MEIS1: variants seen among roughly 807,000 people sequenced by gnomAD.
MEIS1 encodes Meis homeobox 1, also known as homeobox protein Meis1.
MEIS1 carries 5 observed loss-of-function variants against 50.8 expected under a neutral mutation model. The ratio of observed to expected loss-of-function variants is 0.10; its 90% CI spans 0.05 to 0.21. The LOEUF (loss-of-function observed/expected upper bound fraction) is 0.21, where lower values mean the gene tolerates loss of function less well. MEIS1 is among the 10% of genes least tolerant of loss of function. The pLI is 1.00. For synonymous variants in MEIS1, 176 were observed against 179.3 expected, an observed-to-expected ratio of 0.98 and a Z score of 0.15; for missense variants, 318 against 517.3, an observed-to-expected ratio of 0.61 and a Z score of 3.74.
At chr2:66,442,843 C>G (rs909421937) in intron 5 of MEIS1, 59 bp from the exon 6 acceptor site, 4 of 1,474,988 alleles carry the variant, frequency 2.7e-6, no homozygotes, top group Non-Finnish European at 2.7e-6. Context: ...TTGCACTTGT[C>G]AATGTCATTT....
intron 6 of MEIS1, among the ~76,000 whole-genome samples, chr2:66,446,532 G>A (rs1672151792): frequency 6.6e-6 from 1 of 152,178 alleles, no homozygotes; most frequent in African/African-American, 2.4e-5. Flanking sequence ...CATAAGCAGC[G>A]GGAGGCAGAG....
intron 8 of MEIS1, among the ~76,000 whole-genome samples, chr2:66,543,911 T>G (rs1052560712): frequency 2.5e-4 from 38 of 152,350 alleles, no homozygotes; most frequent in African/African-American, 8.7e-4. Flanking sequence ...TGCTTTGATA[T>G]CCCGAAGTGA....
chr2:66,440,812 G>A (rs1469474387), intron 4 of MEIS1, 200 bp downstream of exon 4: 1 of 576,180 alleles, frequency 1.7e-6, no homozygotes. Context: ...AGAGGGGCCG[G>A]GCGAGCCAGC....
At chr2:66,553,044 A>G (rs1470569638) in intron 9 of MEIS1, among the ~76,000 whole-genome samples, 1 of 152,210 alleles carries the variant, frequency 6.6e-6, no homozygotes, top group African/African-American at 2.4e-5. Flanking sequence ...CAGATGTAAA[A>G]AAAAGAAAAA....
chr2:66,541,663 T>C (rs1023180625), intron 8 of MEIS1, among the ~76,000 whole-genome samples: 4 of 152,190 alleles, frequency 2.6e-5, no homozygotes, highest in Non-Finnish European at 5.9e-5. Flanking sequence ...CTAGGCAATA[T>C]AGGAGTGTTG....
chr2:66,515,588 T>C (rs1017285245), intron 8 of MEIS1, among the ~76,000 whole-genome samples: 1 of 152,144 alleles, frequency 6.6e-6, no homozygotes, highest in African/African-American at 2.4e-5. Context: ...CATACTTGTA[T>C]ATAATGAAAA....
chr2:66,438,798 T>TA (rs1671867369), intron 2 of MEIS1, among the ~76,000 whole-genome samples: 1 of 152,052 alleles, frequency 6.6e-6, no homozygotes, highest in Non-Finnish European at 1.5e-5. Flanking sequence ...TATTTATTTT[T>TA]AAAAAATCAG....
chr2:66,567,257 C>G (rs1041839585), intron 9 of MEIS1, among the ~76,000 whole-genome samples, 196 bp from the exon 10 acceptor site: 3 of 152,148 alleles, frequency 2.0e-5, no homozygotes, highest in African/African-American at 7.2e-5. Context: ...AAACCCCAAG[C>G]CTGTGTACTC....
intron 9 of MEIS1, among the ~76,000 whole-genome samples, chr2:66,561,840 G>A (rs1027053972): frequency 1.3e-5 from 2 of 152,058 alleles, no homozygotes; most frequent in Admixed American, 6.6e-5. Flanking sequence ...AACACGACGG[G>A]GGGTGAAGCA....
At chr2:66,482,268 T>C (rs533768839) in intron 7 of MEIS1, among the ~76,000 whole-genome samples, 3 of 152,294 alleles carry the variant, frequency 2.0e-5, no homozygotes, top group African/African-American at 7.2e-5. Context: ...GCATTCAGAT[T>C]CTGAAATGTG....
intron 6 of MEIS1, among the ~76,000 whole-genome samples, chr2:66,452,128 T>C (rs1437918748): frequency 6.6e-6 from 1 of 151,938 alleles, no homozygotes; most frequent in African/African-American, 2.4e-5. Flanking sequence ...TGGGTTTAGT[T>C]GCAACATTTA....
At chr2:66,440,447 C>T in intron 3 of MEIS1, 115 bp from the exon 4 acceptor site, 1 of 895,398 alleles carries the variant, frequency 1.1e-6, no homozygotes, top group East Asian at 2.6e-5. Context: ...CGGAGGGTTA[C>T]TTCCTGCCCC....
chr2:66,437,187 G>A (rs1671816462), intron 1 of MEIS1, among the ~76,000 whole-genome samples: 1 of 152,100 alleles, frequency 6.6e-6, no homozygotes, highest in African/African-American at 2.4e-5. Flanking sequence ...AAGAAATGCA[G>A]TGTCTTGTAG....
chr2:66,471,260 T>C (rs1174458172), intron 7 of MEIS1, among the ~76,000 whole-genome samples: 1 of 152,222 alleles, frequency 6.6e-6, no homozygotes, highest in Admixed American at 6.5e-5. Flanking sequence ...TGTTGATTGC[T>C]CATTTTTATT....
chr2:66,568,523 A>T, intron 10 of MEIS1, 144 bp from the exon 11 acceptor site: 1 of 494,364 alleles, frequency 2.0e-6, no homozygotes. Context: ...TCTGAGAGAA[A>T]TTTCACTTTG....
intron 1 of MEIS1, chr2:66,436,810 T>G (rs1671808014): frequency 1.1e-6 from 1 of 905,754 alleles, no homozygotes; most frequent in Non-Finnish European, 1.3e-6. Flanking sequence ...AATGAACCAA[T>G]TAGAAAAACC....
intron 8 of MEIS1, among the ~76,000 whole-genome samples, chr2:66,546,917 A>G (rs1296844111): frequency 6.6e-6 from 1 of 152,196 alleles, no homozygotes; most frequent in African/African-American, 2.4e-5. Flanking sequence ...GTCAATTAGC[A>G]TTCAATAGAC....
At chr2:66,537,321 C>A (rs190134870) in intron 8 of MEIS1, among the ~76,000 whole-genome samples, 21 of 152,304 alleles carry the variant, frequency 1.4e-4, no homozygotes, top group African/African-American at 4.6e-4. Flanking sequence ...CTCCAGTCTG[C>A]TGTTTGTATG....
At chr2:66,563,080 C>T (rs1469478873) in intron 9 of MEIS1, among the ~76,000 whole-genome samples, 3 of 152,110 alleles carry the variant, frequency 2.0e-5, no homozygotes, top group Non-Finnish European at 2.9e-5. Flanking sequence ...TGTCATGTGG[C>T]TGTGTACTCC....
Sources: allele counts gnomAD v4.1 joint callset (sites outside exome capture counted in the v4.1 genomes callset), GRCh38; gene constraint gnomAD v4.1.1; transcripts MANE v1.5; gene names NCBI Gene and HGNC (gene_info 2026-07-23, HGNC 2026-07-21).